XNDC1N: variants seen among roughly 807,000 people sequenced by gnomAD.
The protein encoded by XNDC1N is XRCC1 N-terminal domain containing 1, N-terminal like, also known as protein XNDC1N.
the XNDC1N span, among the ~76,000 whole-genome samples, chr11:71,894,588 A>G: frequency 1.3e-5 from 2 of 151,994 alleles, no homozygotes; most frequent in Admixed American, 1.3e-4. Flanking sequence ...GGATTCTGGG[A>G]TCCTTTGTTT....
chr11:71,885,451 TTTC>T, the XNDC1N span, among the ~76,000 whole-genome samples: 8 of 152,238 alleles, frequency 5.3e-5, no homozygotes, highest in African/African-American at 1.7e-4. Flanking sequence ...GTAATAGCAT[TTTC>T]TTCTTCTGTG....
the XNDC1N span, among the ~76,000 whole-genome samples, chr11:71,876,028 T>C: frequency 0.025 from 3,854 of 151,782 alleles, 56 homozygotes; most frequent in East Asian, 0.076. Flanking sequence ...CTGTCTCAAA[T>C]AAATAAATAA....
chr11:71,905,922 A>G, the XNDC1N span, among the ~76,000 whole-genome samples: 66 of 152,182 alleles, frequency 4.3e-4, no homozygotes, highest in African/African-American at 1.5e-3. Context: ...ATTGCAAATA[A>G]TACCGAAGGC....
chr11:71,867,053 A>G, the XNDC1N span, among the ~76,000 whole-genome samples: 3 of 152,178 alleles, frequency 2.0e-5, no homozygotes, highest in Non-Finnish European at 4.4e-5. Flanking sequence ...TATAACCTTG[A>G]AAGGTTTTTA....
chr11:71,923,484 G>A, the XNDC1N span: 37 of 634,928 alleles, frequency 5.8e-5, no homozygotes, highest in Non-Finnish European at 1.0e-4. Flanking sequence ...TCCTGAAAAA[G>A]AGAACAGAAG....
the XNDC1N span, among the ~76,000 whole-genome samples, chr11:71,898,890 A>G: frequency 6.6e-6 from 1 of 152,140 alleles, no homozygotes; most frequent in Non-Finnish European, 1.5e-5. Flanking sequence ...TTCTATATGA[A>G]GTAATATATA....
At chr11:71,898,194 A>T in the XNDC1N span, among the ~76,000 whole-genome samples, 1 of 151,616 alleles carries the variant, frequency 6.6e-6, no homozygotes, top group African/African-American at 2.4e-5. Context: ...AACGCAAAGC[A>T]AAACAAAATA....
the XNDC1N span, among the ~76,000 whole-genome samples, chr11:71,891,055 A>G: frequency 1.3e-5 from 2 of 151,946 alleles, no homozygotes; most frequent in African/African-American, 4.8e-5. Flanking sequence ...ATCAGGGGGA[A>G]GGTGTACATT....
At chr11:71,916,709 G>A in the XNDC1N span, 1 of 170,160 alleles carries the variant, frequency 5.9e-6, no homozygotes, top group South Asian at 1.5e-4. Flanking sequence ...CACATCTTTA[G>A]TTCCTAACAC....
the XNDC1N span, among the ~76,000 whole-genome samples, chr11:71,885,210 G>C: frequency 6.6e-6 from 1 of 151,990 alleles, no homozygotes; most frequent in South Asian, 2.1e-4. Flanking sequence ...CTGGGATATC[G>C]CGTGTCATAT....
the XNDC1N span, among the ~76,000 whole-genome samples, chr11:71,906,211 C>A: frequency 6.6e-6 from 1 of 151,758 alleles, no homozygotes. Context: ...TTAGGAGAAT[C>A]ATCTCATCAG....
the XNDC1N span, among the ~76,000 whole-genome samples, chr11:71,872,166 A>G: frequency 6.6e-6 from 1 of 152,172 alleles, no homozygotes; most frequent in African/African-American, 2.4e-5. Flanking sequence ...CCAGTGAATG[A>G]GTTTATATAT....
the XNDC1N span, among the ~76,000 whole-genome samples, chr11:71,880,492 A>C: frequency 6.6e-6 from 1 of 152,050 alleles, no homozygotes; most frequent in African/African-American, 2.4e-5. Context: ...AATTCTTTGA[A>C]TTTTTTAAAT....
chr11:71,898,178 C>T, the XNDC1N span, among the ~76,000 whole-genome samples: 2 of 148,558 alleles, frequency 1.3e-5, no homozygotes, highest in Non-Finnish European at 3.0e-5. Context: ...AGTGAGACTC[C>T]ATGAAAACGC....
At chr11:71,891,297 C>T in the XNDC1N span, among the ~76,000 whole-genome samples, 123 of 151,832 alleles carry the variant, frequency 8.1e-4, no homozygotes, top group African/African-American at 2.9e-3. Context: ...AAACCCCCTG[C>T]GGTCCTGGGA....
At chr11:71,896,639 C>T in the XNDC1N span, among the ~76,000 whole-genome samples, 11 of 152,374 alleles carry the variant, frequency 7.2e-5, no homozygotes, top group East Asian at 1.9e-3. Context: ...TCTTGGCTCA[C>T]CGCAACCTCT....
chr11:71,909,090 C>T, the XNDC1N span, among the ~76,000 whole-genome samples: 2 of 151,694 alleles, frequency 1.3e-5, no homozygotes, highest in Non-Finnish European at 2.9e-5. Context: ...TCCCGATAGC[C>T]CTGAAAATCA....
chr11:71,893,806 ATGCTCCTG>A, the XNDC1N span: 1 of 1,052,114 alleles, frequency 9.5e-7, no homozygotes, highest in Non-Finnish European at 1.3e-6. Flanking sequence ...TATAGAAGGC[ATGCTCCTG>A]ACTGTGATGA....
the XNDC1N span, among the ~76,000 whole-genome samples, chr11:71,868,385 T>C: frequency 6.6e-6 from 1 of 152,226 alleles, no homozygotes; most frequent in Non-Finnish European, 1.5e-5. Context: ...TCAATATCTA[T>C]GTAATTAATT....
Sources: gnomAD v4.1 joint callset for allele counts (sites outside exome capture counted in the v4.1 genomes callset) on GRCh38, gnomAD v4.1.1 for gene constraint, MANE v1.5 for transcripts, NCBI Gene and HGNC (gene_info 2026-07-23, HGNC 2026-07-21) for gene names.